Variants in ZEB1 observed in about 807,000 individuals in gnomAD.
The protein encoded by ZEB1 is zinc finger E-box-binding homeobox 1.
A neutral mutation model predicts 84.9 loss-of-function variants in ZEB1; 21 were observed. The observed-to-expected ratio is 0.25, with a 90% CI of 0.18 to 0.36. The LOEUF is 0.36. ZEB1 is among the 10% of genes least tolerant of loss of function. The probability of loss-of-function intolerance (pLI) is 1.00; values close to 1 mark genes in which losing one functional copy is unlikely to be tolerated. For missense variants in ZEB1, 1,104 were observed against 1,330.2 expected, an observed-to-expected ratio of 0.83 and a Z score of 2.65; for synonymous variants, 420 against 471.1, an observed-to-expected ratio of 0.89 and a Z score of 1.41.
intron 6 of ZEB1, among the ~76,000 whole-genome samples, chr10:31,516,611 C>CTG (rs1203943738): frequency 7.1e-6 from 1 of 141,158 alleles, no homozygotes; most frequent in African/African-American, 2.6e-5. Context: ...TTCTTCCTTC[C>CTG]TGATACCAAG....
At chr10:31,363,162 C>T (rs982500468) in intron 1 of ZEB1, 21 of 1,533,812 alleles carry the variant, frequency 1.4e-5, no homozygotes, top group Non-Finnish European at 1.7e-5. Context: ...GCATGTCCTC[C>T]CCCACCATCA....
At chr10:31,436,217 C>G (rs1280669886) in intron 1 of ZEB1, among the ~76,000 whole-genome samples, 2 of 152,136 alleles carry the variant, frequency 1.3e-5, no homozygotes. Flanking sequence ...AAAACAATCT[C>G]TTGACCTGAA....
At chr10:31,345,354 A>G (rs1290586322) in intron 1 of ZEB1, among the ~76,000 whole-genome samples, 2 of 152,190 alleles carry the variant, frequency 1.3e-5, no homozygotes, top group Non-Finnish European at 2.9e-5. Flanking sequence ...GTTAAAGTAG[A>G]AACATTAATT....
chr10:31,514,473 A>C, intron 5 of ZEB1, 130 bp from the exon 6 acceptor site: 1 of 756,332 alleles, frequency 1.3e-6, no homozygotes, highest in South Asian at 1.7e-5. Flanking sequence ...GACTGCTGCA[A>C]TTTGAGGTCT....
At chr10:31,501,328 G>A (rs2068092401) in intron 3 of ZEB1, among the ~76,000 whole-genome samples, 1 of 152,204 alleles carries the variant, frequency 6.6e-6, no homozygotes, top group African/African-American at 2.4e-5. Flanking sequence ...AAACTTGGCA[G>A]CACGCTGGGC....
chr10:31,320,253 G>A (rs1172022176), intron 1 of ZEB1: 1 of 152,124 alleles, frequency 6.6e-6, no homozygotes, highest in African/African-American at 2.4e-5. Flanking sequence ...GGGGCGAGCT[G>A]GGCGGCGGGT....
At chr10:31,417,585 T>C (rs867000193) in intron 1 of ZEB1, among the ~76,000 whole-genome samples, 2 of 152,150 alleles carry the variant, frequency 1.3e-5, no homozygotes, top group Non-Finnish European at 2.9e-5. Context: ...ATATATAAGG[T>C]GTTCTACTTA....
intron 1 of ZEB1, among the ~76,000 whole-genome samples, chr10:31,415,666 G>A (rs532579969): frequency 3.3e-5 from 5 of 152,008 alleles, no homozygotes; most frequent in African/African-American, 9.6e-5. Context: ...AATACAGTTC[G>A]AAAGGATTGT....
At chr10:31,487,271 A>G (rs2065871934) in intron 2 of ZEB1, among the ~76,000 whole-genome samples, 1 of 151,416 alleles carries the variant, frequency 6.6e-6, no homozygotes, top group South Asian at 2.1e-4. Flanking sequence ...TAGATAATCT[A>G]TTTATATTAA....
chr10:31,513,425 A>G (rs1276037809), intron 5 of ZEB1, among the ~76,000 whole-genome samples: 3 of 152,206 alleles, frequency 2.0e-5, no homozygotes, highest in Admixed American at 1.3e-4. Context: ...GATCTCTATC[A>G]CCTTCCAACT....
At chr10:31,363,817 A>C in intron 1 of ZEB1, 1 of 1,333,332 alleles carries the variant, frequency 7.5e-7, no homozygotes, top group South Asian at 1.3e-5. Context: ...GATAAGACAC[A>C]GCCTCATAGG....
In ZEB1 at chr10:31,527,699, TA is replaced by T. The variant is rs2073749463; in HGVS notation, c.*436del. On this transcript the variant is annotated 3_prime_UTR_variant, in exon 9 of 9. Transcript: ENST00000424869. Reference sequence around the variant, plus strand: ...AATTGGGAGAAATTTTATAATTTTTTATTGGTAAACATATGCTAAATCCGCT... The same window carrying T: ...AATTGGGAGAAATTTTATAATTTTTTTTGGTAAACATATGCTAAATCCGCT... The T allele has an allele frequency of 6.1e-6, 1 of 164,890 alleles. No homozygotes were observed. The highest frequency in any genetic ancestry group is 1.3e-5 in the Non-Finnish European group (1 of 74,594). 10.2% of individuals were successfully genotyped at this position (164,890 alleles called of 1,614,324 possible).
At chr10:31,396,156 A>G (rs997108809) in intron 1 of ZEB1, among the ~76,000 whole-genome samples, 9 of 152,212 alleles carry the variant, frequency 5.9e-5, no homozygotes, top group Admixed American at 2.6e-4. Flanking sequence ...TCAGGTTTAC[A>G]TTGAGCAACC....
chr10:31,379,431 G>A lies in ZEB1; in HGVS notation c.58+60139G>A, dbSNP rs146718187. ...CCTCTTTTTCTGTCTCTGTCTGTCT[G>A]TCTCTCTCTCTGTGTGTGTATATAT... is the stretch of plus-strand genomic sequence containing the variant. On this transcript the variant is annotated intron_variant, in intron 1 of 8. Transcript: ENST00000424869. 5.6e-3 allele frequency among the ~76,000 whole-genome samples: 837 copies of A among 149,922 alleles called. 12 individuals are homozygous for A. The highest frequency in any genetic ancestry group is 0.019 in the African/African-American group (775 of 39,868).
At chr10:31,408,217 A>G (rs962578616) in intron 1 of ZEB1, among the ~76,000 whole-genome samples, 12 of 150,982 alleles carry the variant, frequency 7.9e-5, no homozygotes, top group African/African-American at 2.9e-4. Flanking sequence ...AAGGAGAACT[A>G]CAAACCACTG....
Position 31,524,050 on chromosome 10 carries a change from G to A in ZEB1, c.2722G>A (p.Asp908Asn). Residue 908 changes from aspartate to asparagine, a missense_variant, in exon 8 of 9, where the codon GAT becomes AAT. Asp to Asn is a conservative substitution (Grantham distance 23). This residue lies in a region of ZEB1 where 531 missense variants were observed against 575.2 expected (regional missense o/e 0.92). Transcript: ENST00000424869. The part of the protein sequence containing the change: ...RKTENGMYAC[D>N]LCDKIFQKSS... ...GACAGAAAATGGAATGTATGCTTGT[G>A]ATTTGTGTGACAAGATATTCCAAAA... The A allele has an allele frequency of 6.2e-7, 1 of 1,613,920 alleles. No homozygotes were observed. The highest frequency in any genetic ancestry group is 8.5e-7 in the Non-Finnish European group (1 of 1,179,914).
At chr10:31,516,190 T>G (rs2071062574) in intron 6 of ZEB1, among the ~76,000 whole-genome samples, 1 of 152,044 alleles carries the variant, frequency 6.6e-6, no homozygotes, top group Admixed American at 6.6e-5. Context: ...GAGCTTAATA[T>G]GAGCTGACTG....
In ZEB1 at chr10:31,527,392, T is replaced by TA. The variant is rs1232335287; in HGVS notation, c.*135dup. The TA allele has an allele frequency of 2.2e-5, 24 of 1,111,356 alleles. No individual in the cohort carries two copies. Among genetic ancestry groups the TA allele is most frequent in the South Asian group, 1.8e-4 (12 of 66,314 alleles). The allele number at this position is 1,111,356 out of a possible 1,614,324, so 68.8% of individuals were successfully genotyped here. On this transcript the variant is annotated 3_prime_UTR_variant, in exon 9 of 9. Coordinates refer to ENST00000424869, the MANE Select transcript of ZEB1 (RefSeq NM_001174096.2). ...GTTCACTACTGTGTAAAGTAAAAAC[T>TA]AAAAAAATACAAAATACAAAACACA...
chr10:31,506,195 T>A (rs1203112425), intron 4 of ZEB1, among the ~76,000 whole-genome samples: 1 of 152,114 alleles, frequency 6.6e-6, no homozygotes, highest in Non-Finnish European at 1.5e-5. Context: ...ACATACAGTC[T>A]ATCCTAGAGT....
Sources: gnomAD v4.1 joint callset for allele counts (sites outside exome capture counted in the v4.1 genomes callset) on GRCh38, gnomAD v4.1.1 for gene constraint, gnomAD v4.1.1 regional missense constraint, MANE v1.5 for transcripts, NCBI Gene and HGNC (gene_info 2026-07-23, HGNC 2026-07-21) for gene names.